The following DOCK3 variants were observed in gnomAD, a reference collection of about 807,000 sequenced individuals.
The protein encoded by DOCK3 is dedicator of cytokinesis protein 3.
DOCK3 carries 60 observed loss-of-function variants against 265.6 expected under a neutral mutation model. That is an observed-to-expected ratio of 0.23 (90% CI 0.18 to 0.28). DOCK3 has a LOEUF of 0.28. DOCK3 is among the 10% of genes least tolerant of loss of function. DOCK3 has a pLI of 1.00. For synonymous variants in DOCK3, 881 were observed against 938.0 expected, an observed-to-expected ratio of 0.94 and a Z score of 1.11; for missense variants, 1,981 against 2,594.3, an observed-to-expected ratio of 0.76 and a Z score of 5.14.
At chr3:51,284,088 CCAGGAACAACTG>C (rs1489997511) in intron 27 of DOCK3, among the ~76,000 whole-genome samples, 1 of 152,094 alleles carries the variant, frequency 6.6e-6, no homozygotes, top group Non-Finnish European at 1.5e-5. Flanking sequence ...CTAGCTCATC[CCAGGAACAACTG>C]CAGGCCTATT....
At chr3:51,320,376 A>G (rs1358569088) in intron 32 of DOCK3, among the ~76,000 whole-genome samples, 1 of 151,456 alleles carries the variant, frequency 6.6e-6, no homozygotes, top group Non-Finnish European at 1.5e-5. Context: ...CAAGCACAAA[A>G]CTAGGTGGCC....
At chr3:50,701,577 G>A (rs944737202) in intron 1 of DOCK3, among the ~76,000 whole-genome samples, 1 of 152,158 alleles carries the variant, frequency 6.6e-6, no homozygotes, top group African/African-American at 2.4e-5. Flanking sequence ...CTGTGCAGAA[G>A]CTTTTAATTT....
At chr3:50,793,358 CTTTTTTTTT>C in intron 2 of DOCK3, among the ~76,000 whole-genome samples, 1 of 130,774 alleles carries the variant, frequency 7.6e-6, no homozygotes, top group South Asian at 2.5e-4. Flanking sequence ...TTTTCTTTTT[CTTTTTTTTT>C]TTTTTTTTGA....
chr3:51,159,465 A>G (rs922569077), intron 11 of DOCK3, among the ~76,000 whole-genome samples, 161 bp downstream of exon 11: 4 of 152,008 alleles, frequency 2.6e-5, no homozygotes, highest in Non-Finnish European at 2.9e-5. Flanking sequence ...CTCAACTGCT[A>G]TGGTAGCTTG....
intron 1 of DOCK3, among the ~76,000 whole-genome samples, chr3:50,749,883 A>G (rs930597556): frequency 2.0e-5 from 3 of 152,086 alleles, no homozygotes; most frequent in South Asian, 4.1e-4. Context: ...TCTGTCTTCC[A>G]TTACTGTTCT....
At chr3:50,759,821 G>A (rs916223454) in intron 1 of DOCK3, among the ~76,000 whole-genome samples, 1 of 149,426 alleles carries the variant, frequency 6.7e-6, no homozygotes, top group African/African-American at 2.5e-5. Context: ...TCATGCCACT[G>A]CACTCCAGCC....
chr3:50,846,993 T>C (rs887475671), intron 3 of DOCK3, among the ~76,000 whole-genome samples: 1 of 152,206 alleles, frequency 6.6e-6, no homozygotes, highest in Non-Finnish European at 1.5e-5. Flanking sequence ...TCAGTTCTGC[T>C]CTGATTTTAG....
At chr3:51,173,692 T>C (rs773638683) in intron 12 of DOCK3, among the ~76,000 whole-genome samples, 28 of 152,226 alleles carry the variant, frequency 1.8e-4, no homozygotes, top group Non-Finnish European at 3.8e-4. Context: ...GATATTCTAA[T>C]AGAGATTCCC....
chr3:51,253,258 A>T (rs768928177), intron 22 of DOCK3, among the ~76,000 whole-genome samples: 4 of 152,186 alleles, frequency 2.6e-5, no homozygotes, highest in African/African-American at 9.6e-5. Context: ...TACTGGATTC[A>T]GTTTGCTAGT....
chr3:50,946,274 A>G (rs898229181), intron 5 of DOCK3, among the ~76,000 whole-genome samples: 2 of 152,128 alleles, frequency 1.3e-5, no homozygotes, highest in African/African-American at 4.8e-5. Flanking sequence ...TCAAATATAT[A>G]CTAGTTCCCT....
intron 3 of DOCK3, among the ~76,000 whole-genome samples, chr3:50,874,652 A>G (rs909587773): frequency 6.6e-6 from 1 of 151,882 alleles, no homozygotes; most frequent in African/African-American, 2.4e-5. Context: ...TTTCTTGTAG[A>G]GATATTCCAC....
intron 5 of DOCK3, among the ~76,000 whole-genome samples, chr3:51,002,386 C>T (rs6446246): frequency 0.95 from 145,274 of 152,274 alleles, 69,715 homozygotes; most frequent in East Asian, 1. Context: ...TTTCTCTTTG[C>T]CTATAGTTTG....
intron 9 of DOCK3, among the ~76,000 whole-genome samples, chr3:51,095,026 G>A (rs2082786740): frequency 6.7e-6 from 1 of 149,216 alleles, no homozygotes; most frequent in African/African-American, 2.5e-5. Context: ...TATTTGCTTG[G>A]TAAATATTGC....
intron 9 of DOCK3, among the ~76,000 whole-genome samples, chr3:51,136,495 C>T (rs1453007953): frequency 6.6e-6 from 1 of 152,096 alleles, no homozygotes; most frequent in East Asian, 1.9e-4. Context: ...GTCTCGGCCT[C>T]CCAAAGTGCT....
At chr3:51,118,431 T>G (rs2083850957) in intron 9 of DOCK3, among the ~76,000 whole-genome samples, 1 of 152,212 alleles carries the variant, frequency 6.6e-6, no homozygotes, top group South Asian at 2.1e-4. Context: ...GAATGTATAT[T>G]CTGTTGATTT....
chr3:51,000,237 A>T (rs899975782), intron 5 of DOCK3, among the ~76,000 whole-genome samples: 2 of 152,224 alleles, frequency 1.3e-5, no homozygotes, highest in African/African-American at 4.8e-5. Flanking sequence ...TTCATCTTGC[A>T]GTGTTCTTGA....
intron 2 of DOCK3, among the ~76,000 whole-genome samples, chr3:50,803,187 G>C (rs1031617501): frequency 2.6e-5 from 4 of 151,938 alleles, no homozygotes; most frequent in Non-Finnish European, 2.9e-5. Flanking sequence ...ATGTGAACAA[G>C]GGTCTCTGGT....
intron 5 of DOCK3, among the ~76,000 whole-genome samples, chr3:50,987,134 C>A (rs1308621669): frequency 2.0e-5 from 3 of 152,192 alleles, no homozygotes; most frequent in Admixed American, 1.3e-4. Context: ...TTCTTAATTA[C>A]TGTTTCCTTA....
intron 12 of DOCK3, among the ~76,000 whole-genome samples, chr3:51,179,280 A>G (rs953708187): frequency 2.6e-5 from 4 of 152,256 alleles, no homozygotes; most frequent in East Asian, 1.9e-4. Flanking sequence ...TTATTATACA[A>G]TGCATCATAC....
Sources: gnomAD v4.1 joint callset for allele counts (sites outside exome capture counted in the v4.1 genomes callset) on GRCh38, gnomAD v4.1.1 for gene constraint, MANE v1.5 for transcripts, NCBI Gene and HGNC (gene_info 2026-07-23, HGNC 2026-07-21) for gene names.